PKD2L2: variants seen among roughly 807,000 people sequenced by gnomAD.
PKD2L2 encodes the protein polycystin-2-like protein 2.
PKD2L2 carries 67 observed loss-of-function variants against 83.9 expected under a neutral mutation model. The observed-to-expected ratio is 0.80, with a 90% confidence interval of 0.66 to 0.98. The LOEUF is 0.98. Among genes scored for constraint, PKD2L2 ranks in the 50% least tolerant of loss-of-function variants. The pLI is 0.00. For missense variants in PKD2L2, 632 were observed against 717.2 expected, an observed-to-expected ratio of 0.88 and a Z score of 1.36; for synonymous variants, 223 against 237.8, an observed-to-expected ratio of 0.94 and a Z score of 0.57.
chr5:137,938,348 G>A (rs1330774690), intron 14 of PKD2L2: 1 of 152,552 alleles, frequency 6.6e-6, no homozygotes, highest in African/African-American at 2.4e-5. Context: ...TTTAAATAGT[G>A]CATATGGACA....
chr5:137,894,545 T>G lies in PKD2L2; in HGVS notation c.460T>G (p.Cys154Gly). The change falls in exon 4 of 15, where the codon TGT (cysteine) becomes GGT (glycine). Residue 154 changes from cysteine to glycine, a missense_variant. This residue lies in a region of PKD2L2 where 229 missense variants were observed against 281.5 expected (regional missense o/e 0.81). Coordinates refer to ENST00000508883, the MANE Select transcript of PKD2L2 (RefSeq NM_001300921.2). ...YSSFQSLMSE[C>G]YGKYTSANED... ...ATCTTTTCAGTCTTTGATGAGTGAA[T>G]GTTATGGCAAATATACTTCTGCAAA... 6.2e-7 allele frequency: 1 copy of G among 1,613,262 alleles called. No homozygotes were observed. Among genetic ancestry groups the G allele is most frequent in the Non-Finnish European group, 8.5e-7 (1 of 1,179,232 alleles).
intron 4 of PKD2L2, among the ~76,000 whole-genome samples, chr5:137,894,946 C>G (rs1243097074): frequency 6.6e-6 from 1 of 152,126 alleles, no homozygotes; most frequent in African/African-American, 2.4e-5. Flanking sequence ...ACAACACATC[C>G]CCAAGACAAT....
At chr5:137,908,732 TCTC>T (rs768355490) in intron 7 of PKD2L2, 30 bp from the exon 8 acceptor site, 70 of 1,024,944 alleles carry the variant, frequency 6.8e-5, no homozygotes, top group East Asian at 1.8e-4. Flanking sequence ...TCTTTGATAT[TCTC>T]CTATTTCAAT....
At chr5:137,914,161 A>T (rs1373174387) in intron 8 of PKD2L2, among the ~76,000 whole-genome samples, 6 of 148,076 alleles carry the variant, frequency 4.1e-5, no homozygotes, top group Admixed American at 2.8e-4. Context: ...AAGTGCTGGG[A>T]TTACAGGCAT....
intron 11 of PKD2L2, 127 bp from the exon 12 acceptor site, chr5:137,925,748 C>A: frequency 1.9e-6 from 1 of 531,116 alleles, no homozygotes. Context: ...ATCACATTTT[C>A]CAAATAATTA....
Position 137,894,512 on chromosome 5 carries a change from G to C in PKD2L2, c.427G>C (p.Val143Leu), listed in dbSNP as rs1756268754. 1.9e-6 allele frequency: 3 copies of C among 1,613,826 alleles called. No individual in the cohort carries two copies. The East Asian group carries it at 6.7e-5, about 36-fold the overall frequency. ...QLKVRNNTCKVYSSFQSLMSE... is the reference protein window; with the variant it reads ...QLKVRNNTCKLYSSFQSLMSE... ...AAAAGTCCGCAACAACACATGCAAA[G>C]TCTATTCATCTTTTCAGTCTTTGAT... Residue 143 changes from valine to leucine, a missense_variant, in exon 4 of 15, where the codon GTC becomes CTC. By Grantham distance (32) the Val-to-Leu change is conservative. Around this residue, in one of 3 missense-constraint regions of PKD2L2, gnomAD observed 229 missense variants for 281.5 expected, o/e 0.81. Coordinates refer to ENST00000508883, the MANE Select transcript of PKD2L2 (RefSeq NM_001300921.2).
intron 11 of PKD2L2, 131 bp downstream of exon 11, chr5:137,925,235 T>TCAGA: frequency 1.6e-6 from 1 of 630,826 alleles, no homozygotes; most frequent in Non-Finnish European, 2.8e-6. Context: ...ACCATGTTGG[T>TCAGA]CAGACTGGTC....
chr5:137,938,980 G>A (rs1261228984), intron 14 of PKD2L2: 2 of 152,110 alleles, frequency 1.3e-5, no homozygotes, highest in Admixed American at 1.3e-4. Context: ...TGTACTGTTA[G>A]CACAAATGAA....
rs1333135549 is a variant in PKD2L2 at position 137,936,501 on chromosome 5, G to C, written c.*17+74G>C. The C allele has an allele frequency of 1.5e-5, 19 of 1,289,316 alleles. No homozygotes were observed. The East Asian group carries it at 5.1e-4, about 35-fold the overall frequency. 79.9% of individuals were successfully genotyped at this position (1,289,316 alleles called of 1,614,324 possible). ...GACGGAGTCTCGCTCTAACGCCCAG[G>C]CTGGAGTGCAGTGGCGTGGTCTCGG... is the stretch of plus-strand genomic sequence containing the variant. On this transcript the variant is annotated intron_variant, in intron 14 of 14. Coordinates refer to ENST00000508883, the MANE Select transcript of PKD2L2 (RefSeq NM_001300921.2).
Position 137,894,384 on chromosome 5 carries a change from A to T in PKD2L2, c.299A>T (p.Tyr100Phe). Residue 100 changes from tyrosine to phenylalanine, a missense_variant, in exon 4 of 15, where the codon TAC becomes TTC. Around this residue, in one of 3 missense-constraint regions of PKD2L2, gnomAD observed 229 missense variants for 281.5 expected, o/e 0.81. Coordinates refer to ENST00000508883, the MANE Select transcript of PKD2L2 (RefSeq NM_001300921.2). ...FMEGPLLEGL[Y>F]WDSWYNNQQL... ...GAAGGACCCCTTTTGGAAGGTCTGT[A>T]CTGGGATTCATGGTACAATAACCAG... 1 of 1,610,806 alleles carries T rather than the reference A, an allele frequency of 6.2e-7. No homozygotes were observed. The highest frequency in any genetic ancestry group is 8.5e-7 in the Non-Finnish European group (1 of 1,179,532).
At chr5:137,931,755 G>A (rs2150060127) in intron 12 of PKD2L2, among the ~76,000 whole-genome samples, 1 of 152,252 alleles carries the variant, frequency 6.6e-6, no homozygotes, top group South Asian at 2.1e-4. Context: ...ATGTATTGGA[G>A]GGGTAAAGTC....
chr5:137,924,497 G>A (rs994678684), intron 10 of PKD2L2, among the ~76,000 whole-genome samples: 7 of 152,114 alleles, frequency 4.6e-5, no homozygotes, highest in African/African-American at 1.7e-4. Flanking sequence ...AGTTTGAGCT[G>A]TAGCAGAGTT....
At chr5:137,923,552 C>G (rs1312526292) in intron 10 of PKD2L2, 31 bp downstream of exon 10, 2 of 1,004,480 alleles carry the variant, frequency 2.0e-6, no homozygotes, top group East Asian at 2.4e-5. Context: ...AATTAGAATT[C>G]TAAGACAAAC....
rs768228393 is a variant in PKD2L2 at position 137,930,911 on chromosome 5, T to C, written c.1672-4886T>C. Among the ~76,000 whole-genome samples, 134 of 152,126 alleles carry C rather than the reference T, an allele frequency of 8.8e-4. 2 individuals are homozygous for C. Among genetic ancestry groups the C allele is most frequent in the Non-Finnish European group, 1.5e-3 (102 of 67,982 alleles). ...TGAGTTATAAACAATAGTAGTAGTATAAATAAATCAAAAGGCTAGTTCCTT... is the reference window on the plus strand; with the variant it reads ...TGAGTTATAAACAATAGTAGTAGTACAAATAAATCAAAAGGCTAGTTCCTT... On this transcript the variant is annotated intron_variant, in intron 12 of 14. Coordinates refer to ENST00000508883, the MANE Select transcript of PKD2L2 (RefSeq NM_001300921.2).
In PKD2L2 at chr5:137,923,673, G is replaced by C. The variant is rs1580973958; in HGVS notation, c.1551+152G>C. On this transcript the variant is annotated intron_variant, in intron 10 of 14. Coordinates refer to ENST00000508883, the MANE Select transcript of PKD2L2 (RefSeq NM_001300921.2). Reference sequence around the variant, plus strand: ...AGGGTTTGTTTTGTGTTTTGATCCAGTGTTACTCATATTCGCATTATTTCA... The same window carrying C: ...AGGGTTTGTTTTGTGTTTTGATCCACTGTTACTCATATTCGCATTATTTCA... 4 of 612,086 alleles carry C rather than the reference G, an allele frequency of 6.5e-6. No individual in the cohort carries two copies. The South Asian group carries it at 7.5e-5, about 12-fold the overall frequency. The allele number at this position is 612,086 out of a possible 1,614,324, so 37.9% of individuals were successfully genotyped here. A position where few individuals can be genotyped will look rare whatever the true frequency, so the allele number is the denominator to read the frequency against.
intron 4 of PKD2L2, among the ~76,000 whole-genome samples, chr5:137,896,878 C>T (rs900388855): frequency 3.3e-5 from 5 of 149,284 alleles, no homozygotes; most frequent in African/African-American, 1.2e-4. Context: ...GATTATATTT[C>T]CTTTCTTGAA....
chr5:137,912,654 A>G (rs1487805091), intron 8 of PKD2L2, among the ~76,000 whole-genome samples: 1 of 151,986 alleles, frequency 6.6e-6, no homozygotes, highest in East Asian at 1.9e-4. Flanking sequence ...GGTGTGAGCC[A>G]CCGTGCCTGG....
At chr5:137,895,427 A>C (rs1756362632) in intron 4 of PKD2L2, among the ~76,000 whole-genome samples, 1 of 149,358 alleles carries the variant, frequency 6.7e-6, no homozygotes, top group Non-Finnish European at 1.5e-5. Context: ...AGCTATGATC[A>C]CACCACTGCA....
chr5:137,922,220 C>T (rs917102379), intron 9 of PKD2L2, among the ~76,000 whole-genome samples: 1 of 152,186 alleles, frequency 6.6e-6, no homozygotes, highest in Non-Finnish European at 1.5e-5. Flanking sequence ...CTAGTTAAGG[C>T]ACTGTACTGT....
Sources: allele counts gnomAD v4.1 joint callset (sites outside exome capture counted in the v4.1 genomes callset), GRCh38; gene constraint gnomAD v4.1.1; regional missense constraint gnomAD v4.1.1; transcripts MANE v1.5; gene names NCBI Gene and HGNC (gene_info 2026-07-23, HGNC 2026-07-21).